Variants in HTRA4 observed in about 807,000 individuals in gnomAD.
HTRA4 encodes HtrA serine peptidase 4, also known as serine protease HTRA4.
Under a neutral mutation model 49.1 loss-of-function variants are expected in HTRA4, and 46 were observed. That is an observed-to-expected ratio of 0.94 (90% CI 0.74 to 1.20). The LOEUF (loss-of-function observed/expected upper bound fraction) is 1.20. HTRA4 is among the 50% of genes most tolerant of loss of function. The pLI is 0.00. For missense variants in HTRA4, 602 were observed against 636.9 expected (o/e 0.95, Z 0.59); for synonymous variants, 261 against 264.0 (o/e 0.99, Z 0.11).
At chr8:38,978,993 C>CAA (rs34275087) in intron 4 of HTRA4, among the ~76,000 whole-genome samples, 4,144 of 120,066 alleles carry the variant, frequency 0.035, 101 homozygotes, top group African/African-American at 0.05. Flanking sequence ...GACTCCGTCT[C>CAA]AAAAAAAAAA....
Position 38,975,032 on chromosome 8 carries a change from G to A in HTRA4, c.468G>A (p.Gly156=), listed in dbSNP as rs1835330657. 1 of 1,614,028 alleles carries A rather than the reference G, an allele frequency of 6.2e-7. No individual in the cohort carries two copies. Among genetic ancestry groups the A allele is most frequent in the Non-Finnish European group, 8.5e-7 (1 of 1,180,002 alleles). ...TCTTGAGCCAGTATTTTTTCATAGGGACCAGAAGCGCAGGCCCGCTCAGGA... is the reference window on the plus strand; with the variant it reads ...TCTTGAGCCAGTATTTTTTCATAGGAACCAGAAGCGCAGGCCCGCTCAGGA... ...PVQWGNCGDT[G]TRSAGPLRRN... The change falls in exon 2 of 9, where the codon GGG becomes GGA. Residue 156 remains glycine, a splice_region_variant and synonymous_variant. Coordinates refer to ENST00000302495, the MANE Select transcript of HTRA4 (RefSeq NM_153692.4).
intron 8 of HTRA4, among the ~76,000 whole-genome samples, chr8:38,983,772 A>G (rs1835452987): frequency 6.6e-6 from 1 of 151,830 alleles, no homozygotes; most frequent in Non-Finnish European, 1.5e-5. Context: ...TATTGTCTAC[A>G]GGACAGTGCT....
intron 7 of HTRA4, 49 bp downstream of exon 7, chr8:38,982,604 C>T (rs370158891): frequency 6.5e-7 from 1 of 1,544,600 alleles, no homozygotes; most frequent in South Asian, 1.1e-5. Flanking sequence ...AGGCAAAAAC[C>T]ATAGCTGCAC....
chr8:38,976,209 C>T (rs747164052), intron 2 of HTRA4, among the ~76,000 whole-genome samples: 13 of 152,240 alleles, frequency 8.5e-5, no homozygotes, highest in East Asian at 5.8e-4. Flanking sequence ...GTCAGGCGTT[C>T]GAGAGCAGCC....
intron 4 of HTRA4, 83 bp downstream of exon 4, chr8:38,978,230 A>T: frequency 8.1e-7 from 1 of 1,229,868 alleles, no homozygotes; most frequent in Non-Finnish European, 1.1e-6. Context: ...TGGGCCGCAC[A>T]GCAGGCTGTG....
chr8:38,978,388 C>G (rs1321172604), intron 4 of HTRA4, among the ~76,000 whole-genome samples: 1 of 152,188 alleles, frequency 6.6e-6, no homozygotes, highest in African/African-American at 2.4e-5. Context: ...CTAACTCATG[C>G]CCGATGATCT....
At chr8:38,978,211 G>A in intron 4 of HTRA4, 64 bp downstream of exon 4, 2 of 1,403,066 alleles carry the variant, frequency 1.4e-6, no homozygotes, top group Non-Finnish European at 1.9e-6. Flanking sequence ...TCCATGGCCT[G>A]TTAGGAACTG....
rs778715096 is a variant in HTRA4 at position 38,987,912 on chromosome 8, C to CT, written c.1269-23dup. 2.4e-5 allele frequency: 36 copies of CT among 1,523,900 alleles called. No individual in the cohort carries two copies. The Middle Eastern group carries it at 5.2e-4, about 22-fold the overall frequency. 94.4% of individuals were successfully genotyped at this position (1,523,900 alleles called of 1,614,324 possible). A position where few individuals can be genotyped will look rare whatever the true frequency, so the allele number is the denominator to read the frequency against. The stretch of plus-strand genomic sequence containing the variant: ...AAATTCTTGTTATAGTTTCATGATC[C>CT]TCTTTTTTTTCTCCCTCTCTCAGCT... On this transcript the variant is annotated intron_variant, in intron 8 of 8. Coordinates refer to ENST00000302495, the MANE Select transcript of HTRA4 (RefSeq NM_153692.4).
rs1262322038 is a variant in HTRA4, at chr8:38,974,350, C to T, written c.87C>T (p.Ala29=). 2 of 1,610,288 alleles carry T rather than the reference C, an allele frequency of 1.2e-6. No individual in the cohort carries two copies. The highest frequency in any genetic ancestry group is 1.7e-5 in the Admixed American group (1 of 59,734). ...LLLLLVPVLW[A]GAEKLHTQPS... is the part of the protein sequence containing the mutation. ...TGCTCCTGGTGCCCGTCCTCTGGGC[C>T]GGGGCTGAAAAGCTACATACCCAGC... Residue 29 remains alanine (A), a synonymous_variant, in exon 1 of 9, where the codon GCC becomes GCT. Transcript: ENST00000302495.
rs1245779933 is a variant in HTRA4, at chr8:38,982,546, T to A, written c.1163T>A (p.Leu388His). The stretch of plus-strand genomic sequence containing the variant: ...TATCTGGGTCTGCAAATGCTGTCCC[T>A]CACTGTGCCGTAAGCATGTGTTTGA... ...KKYLGLQMLS[L>H]TVPLSEELKM... The change falls in exon 7 of 9, where the codon CTC becomes CAC. Residue 388 changes from leucine to histidine, a missense_variant. Coordinates refer to ENST00000302495, the MANE Select transcript of HTRA4 (RefSeq NM_153692.4). 1.2e-6 allele frequency: 2 copies of A among 1,614,164 alleles called. No individual in the cohort carries two copies. The highest frequency in any genetic ancestry group is 4.5e-5 in the East Asian group (2 of 44,886).
chr8:38,981,845 C>T, intron 6 of HTRA4, 78 bp downstream of exon 6: 1 of 1,056,694 alleles, frequency 9.5e-7, no homozygotes, highest in South Asian at 1.4e-5. Flanking sequence ...GTGGTGACAG[C>T]AATTTTTTTG....
At chr8:38,978,738 T>G (rs1835383489) in intron 4 of HTRA4, among the ~76,000 whole-genome samples, 1 of 151,858 alleles carries the variant, frequency 6.6e-6, no homozygotes, top group Non-Finnish European at 1.5e-5. Context: ...GGCTCATGCC[T>G]GTAATCCCAG....
intron 8 of HTRA4, among the ~76,000 whole-genome samples, chr8:38,985,753 C>T (rs1172850643): frequency 6.6e-6 from 1 of 152,178 alleles, no homozygotes; most frequent in East Asian, 1.9e-4. Context: ...TGTAGACCAG[C>T]GTCATTAGCT....
Position 38,981,782 on chromosome 8 carries a change from GA to G in HTRA4, c.1114+16del. The G allele has an allele frequency of 6.4e-7, 1 of 1,562,064 alleles. No individual in the cohort carries two copies. Among genetic ancestry groups the G allele is most frequent in the Non-Finnish European group, 8.8e-7 (1 of 1,137,510 alleles). Reference sequence around the variant, plus strand: ...CCAGATGAAAGGTAAAGCAAGTTGGGATTTTTTTTTTTTTGGTTTCGTCTTG... The same window carrying G: ...CCAGATGAAAGGTAAAGCAAGTTGGGTTTTTTTTTTTTTGGTTTCGTCTTG... On this transcript the variant is annotated intron_variant, in intron 6 of 8. Coordinates refer to ENST00000302495, the MANE Select transcript of HTRA4 (RefSeq NM_153692.4).
At chr8:38,977,788 A>T (rs1835370681) in intron 3 of HTRA4, among the ~76,000 whole-genome samples, 165 bp from the exon 4 acceptor site, 2 of 152,224 alleles carry the variant, frequency 1.3e-5, no homozygotes, top group Non-Finnish European at 2.9e-5. Flanking sequence ...AGGAAGAAGT[A>T]GAAGGCAATC....
intron 7 of HTRA4, 104 bp from the exon 8 acceptor site, chr8:38,982,849 C>T: frequency 1.3e-6 from 1 of 745,348 alleles, no homozygotes. Flanking sequence ...CTTCCTCGGC[C>T]CTTGTGAACC....
At position 38,982,973 on chromosome 8, in the gene HTRA4, T is replaced by G; in HGVS notation, c.1193T>G (p.Met398Arg). The G allele has an allele frequency of 6.2e-7, 1 of 1,612,850 alleles. No homozygotes were observed. The highest frequency in any genetic ancestry group is 1.1e-5 in the South Asian group (1 of 90,986). The change falls in exon 8 of 9, where the codon ATG (methionine) becomes AGG (arginine). Residue 398 changes from methionine (M) to arginine (R), a missense_variant. Coordinates refer to ENST00000302495, the MANE Select transcript of HTRA4 (RefSeq NM_153692.4). ...CTTAGCCTTAGTGAAGAATTGAAAA[T>G]GCATTATCCAGATTTCCCTGATGTG... ...LTVPLSEELK[M>R]HYPDFPDVSS...
chr8:38,985,843 T>C (rs1344079647), intron 8 of HTRA4, among the ~76,000 whole-genome samples: 1 of 152,176 alleles, frequency 6.6e-6, no homozygotes, highest in African/African-American at 2.4e-5. Flanking sequence ...TTTAACAAGA[T>C]CCCCAGGTGA....
chr8:38,987,911 CCT>C (rs1491557024), intron 8 of HTRA4, 23 bp from the exon 9 acceptor site: 2 of 1,524,158 alleles, frequency 1.3e-6, no homozygotes, highest in South Asian at 1.3e-5. Context: ...GTTTCATGAT[CCT>C]CTTTTTTTTC....
Sources: gnomAD v4.1 joint callset for allele counts (sites outside exome capture counted in the v4.1 genomes callset) on GRCh38, gnomAD v4.1.1 for gene constraint, MANE v1.5 for transcripts, NCBI Gene and HGNC (gene_info 2026-07-23, HGNC 2026-07-21) for gene names.